Variants in PTPRN2 observed in about 807,000 individuals in gnomAD.
PTPRN2 encodes receptor-type tyrosine-protein phosphatase N2.
Under a neutral mutation model 118.8 loss-of-function variants are expected in PTPRN2, and 74 were observed. That is an observed-to-expected ratio of 0.62 (90% CI 0.52 to 0.76). The LOEUF is 0.76. Among genes scored for constraint, PTPRN2 ranks in the 30% least tolerant of loss-of-function variants. The pLI is 0.00. For missense variants in PTPRN2, 1,481 were observed against 1,394.4 expected (o/e 1.06, Z -0.99); for synonymous variants, 641 against 608.0 (o/e 1.05, Z -0.80).
chr7:157,744,197 G>A lies in PTPRN2; in HGVS notation c.1789-61260C>T, dbSNP rs80157816. 5.9e-3 allele frequency among the ~76,000 whole-genome samples: 900 copies of A among 152,306 alleles called. 18 individuals are homozygous for A. Among genetic ancestry groups the A allele is most frequent in the East Asian group, 0.052 (269 of 5,178 alleles). On this transcript the variant is annotated intron_variant, in intron 12 of 22. Transcript: ENST00000389418. ...GGAATCAGAGCGTAAACAAGCGGGC[G>A]CGAGGTGGTCCAGGCATGGAGGGCA... is the stretch of plus-strand genomic sequence containing the variant.
chr7:157,734,364 T>A (rs1220553433), intron 12 of PTPRN2, among the ~76,000 whole-genome samples: 1 of 152,256 alleles, frequency 6.6e-6, no homozygotes, highest in African/African-American at 2.4e-5. Context: ...CCCAGCACAG[T>A]CATAGGCTTC....
chr7:158,280,103 C>T (rs191584965), intron 3 of PTPRN2, among the ~76,000 whole-genome samples: 1 of 152,048 alleles, frequency 6.6e-6, no homozygotes, highest in East Asian at 1.9e-4. Context: ...GCAGTTTAAA[C>T]TCGTCTAATG....
rs112767445 is a variant in PTPRN2 at position 157,576,529 on chromosome 7, G to A, written c.2783+84C>T. On this transcript the variant is annotated intron_variant, in intron 19 of 22. Coordinates refer to ENST00000389418, the MANE Select transcript of PTPRN2 (RefSeq NM_002847.5). The stretch of plus-strand genomic sequence containing the variant: ...ACACAGACGCGGCCCTCGGCGCCAG[G>A]GGCGTCTCAGGAGCACCGAAGCCTC... 1.5e-5 allele frequency: 20 copies of A among 1,340,574 alleles called. No individual in the cohort carries two copies. In the East Asian group the frequency reaches 5.3e-4, roughly 36 times the overall value. The allele number at this position is 1,340,574 out of a possible 1,614,324, so 83.0% of individuals were successfully genotyped here. A position where few individuals can be genotyped will look rare whatever the true frequency, so the allele number is the denominator to read the frequency against.
At chr7:158,372,422 A>AAGCTGGTCCCCCCAACG (rs1563213381) in intron 2 of PTPRN2, among the ~76,000 whole-genome samples, 1 of 124,934 alleles carries the variant, frequency 8.0e-6, no homozygotes, top group African/African-American at 3.2e-5. Context: ...TCCCCCCAAC[A>AAGCTGGTCCCCCCAACG]CTGGTCCCCG....
intron 12 of PTPRN2, among the ~76,000 whole-genome samples, chr7:157,790,261 TGTG>T (rs1255424646): frequency 6.8e-6 from 1 of 146,160 alleles, no homozygotes; most frequent in Admixed American, 6.8e-5. Context: ...GGGGTGTGTG[TGTG>T]GTGTTTGTGT....
chr7:158,261,196 G>C (rs1253177320), intron 3 of PTPRN2, among the ~76,000 whole-genome samples: 2 of 152,194 alleles, frequency 1.3e-5, no homozygotes, highest in Non-Finnish European at 2.9e-5. Flanking sequence ...CCTACGGGCA[G>C]CTCAGAGAGC....
chr7:158,279,009 C>T (rs1378847666), intron 3 of PTPRN2, among the ~76,000 whole-genome samples: 1 of 152,194 alleles, frequency 6.6e-6, no homozygotes, highest in Admixed American at 6.5e-5. Context: ...AGTGTTACAG[C>T]TCACAGACGT....
At position 157,751,262 on chromosome 7, in the gene PTPRN2, C is replaced by T. The variant is rs1207041520; in HGVS notation, c.1789-68325G>A. ...CAAGGCAATATCCCGAGGAGAGAGA[C>T]AGGCTCAATTCCAGTTTGCGCGCAC... On this transcript the variant is annotated intron_variant, in intron 12 of 22. Transcript: ENST00000389418. Among the ~76,000 whole-genome samples, 3 of 152,192 alleles carry T rather than the reference C, an allele frequency of 2.0e-5. No individual in the cohort carries two copies. In the East Asian group the frequency reaches 5.8e-4, roughly 29 times the overall value.
intron 14 of PTPRN2, among the ~76,000 whole-genome samples, chr7:157,642,574 G>A (rs890025447): frequency 2.0e-5 from 3 of 152,098 alleles, no homozygotes; most frequent in Admixed American, 6.5e-5. Context: ...GGACGTCTCC[G>A]TCCGTCACTG....
chr7:158,376,465 C>A lies in PTPRN2; in HGVS notation c.164-59533G>T, dbSNP rs146683909. Among the ~76,000 whole-genome samples, 870 of 144,378 alleles carry A rather than the reference C, an allele frequency of 6.0e-3. 9 individuals carry two copies. The highest frequency in any genetic ancestry group is 9.5e-3 in the Non-Finnish European group (627 of 66,128). The allele number at this position is 144,378 out of a possible 152,430, so 94.7% of individuals were successfully genotyped here. A position where few individuals can be genotyped will look rare whatever the true frequency, so the allele number is the denominator to read the frequency against. On this transcript the variant is annotated intron_variant, in intron 2 of 22. Transcript: ENST00000389418. Reference sequence around the variant, plus strand: ...TCAGGGGACTCTCCCACATCCCTGTCACACGTCCTGAGAGGGGGGTCAGTG... The same window carrying A: ...TCAGGGGACTCTCCCACATCCCTGTAACACGTCCTGAGAGGGGGGTCAGTG...
chr7:158,298,376 T>A lies in PTPRN2; in HGVS notation c.277+18443A>T, dbSNP rs149731537. ...ATCCCTCATCTGAAATGTTTGGGAC[T>A]AGAAGTGCTTTGGATTTCAGATATG... On this transcript the variant is annotated intron_variant, in intron 3 of 22. Coordinates refer to ENST00000389418, the MANE Select transcript of PTPRN2 (RefSeq NM_002847.5). Among the ~76,000 whole-genome samples the A allele has an allele frequency of 1.3e-3, 193 of 152,366 alleles. 2 individuals carry two copies. Among genetic ancestry groups the A allele is most frequent in the African/African-American group, 4.4e-3 (184 of 41,580 alleles).
intron 2 of PTPRN2, among the ~76,000 whole-genome samples, chr7:158,391,059 A>G (rs1198032020): frequency 2.0e-5 from 3 of 152,112 alleles, no homozygotes; most frequent in Non-Finnish European, 4.4e-5. Flanking sequence ...CTAACTACAG[A>G]CTAGATTTTC....
chr7:158,249,479 C>G (rs1161143912), intron 3 of PTPRN2, among the ~76,000 whole-genome samples: 7 of 151,092 alleles, frequency 4.6e-5, no homozygotes, highest in Non-Finnish European at 7.4e-5. Context: ...ATCTACCACA[C>G]CTGCACACAC....
chr7:157,740,877 G>A (rs1400513199), intron 12 of PTPRN2, among the ~76,000 whole-genome samples: 2 of 152,126 alleles, frequency 1.3e-5, no homozygotes, highest in Admixed American at 6.5e-5. Flanking sequence ...CTCTCTCCCC[G>A]CCTTTTTGAA....
chr7:158,204,992 C>T (rs778930166), intron 4 of PTPRN2, among the ~76,000 whole-genome samples, 179 bp downstream of exon 4: 1 of 152,204 alleles, frequency 6.6e-6, no homozygotes, highest in Non-Finnish European at 1.5e-5. Context: ...ACCCCAATAT[C>T]GCTTTCTCTC....
In PTPRN2 at chr7:158,509,597, C is replaced by T. The variant is rs1455628221; in HGVS notation, c.113-19812G>A. 1.3e-5 allele frequency among the ~76,000 whole-genome samples: 2 copies of T among 152,232 alleles called. No individual in the cohort carries two copies. The highest frequency in any genetic ancestry group is 4.8e-5 in the African/African-American group (2 of 41,466). On this transcript the variant is annotated intron_variant, in intron 1 of 22. Transcript: ENST00000389418. The surrounding 1 kb of genome is among the most constrained non-coding windows in gnomAD (Gnocchi z 4.4). ...AGAATAGCACAGATGCGTAGTCACC[C>T]CAAAGCCCATCTGCTTTGTTCCGGG...
At chr7:158,312,381 C>A (rs1175049880) in intron 3 of PTPRN2, among the ~76,000 whole-genome samples, 2 of 151,368 alleles carry the variant, frequency 1.3e-5, no homozygotes, top group Non-Finnish European at 2.9e-5. Flanking sequence ...CACATGCACA[C>A]ATACCTGTAC....
rs1175740226 is a variant in PTPRN2, at chr7:157,893,653, T to G, written c.1788+5020A>C. ...GCGTGGCCCACTTTAAGTGTGAGGC[T>G]CCTCTACAGATCTCCCAGGAGAGAA... On this transcript the variant is annotated intron_variant, in intron 12 of 22. Coordinates refer to ENST00000389418, the MANE Select transcript of PTPRN2 (RefSeq NM_002847.5). The surrounding 1 kb of genome is among the most constrained non-coding windows in gnomAD (Gnocchi z 4.0). 6.6e-6 allele frequency among the ~76,000 whole-genome samples: 1 copy of G among 152,136 alleles called. No individual in the cohort carries two copies. The highest frequency in any genetic ancestry group is 2.4e-5 in the African/African-American group (1 of 41,428).
chr7:157,838,216 ATG>A (rs1808115895), intron 12 of PTPRN2, among the ~76,000 whole-genome samples: 1 of 131,084 alleles, frequency 7.6e-6, no homozygotes, highest in African/African-American at 2.9e-5. Context: ...CCTCTCCACT[ATG>A]CCTACTCCAG....
Sources: gnomAD v4.1 joint callset for allele counts (sites outside exome capture counted in the v4.1 genomes callset) on GRCh38, gnomAD v4.1.1 for gene constraint, Gnocchi (gnomAD v3.1) non-coding constraint, MANE v1.5 for transcripts, NCBI Gene and HGNC (gene_info 2026-07-23, HGNC 2026-07-21) for gene names.